The following CDSN variants were observed in gnomAD, a reference collection of about 807,000 sequenced individuals.
CDSN encodes S protein.
A neutral mutation model predicts 25.6 loss-of-function variants in CDSN; 11 were observed. That is an observed-to-expected ratio of 0.43 (90% confidence interval 0.27 to 0.71). The LOEUF (loss-of-function observed/expected upper bound fraction) is 0.71. CDSN is among the 30% of genes least tolerant of loss of function. The pLI is 0.20. For synonymous variants in CDSN, 266 were observed against 267.4 expected (o/e 0.99, Z 0.05); for missense variants, 598 against 670.9 (o/e 0.89, Z 1.20).
chr6:31,118,795 GAA>G (rs1393345257), intron 1 of CDSN: 1 of 145,638 alleles, frequency 6.9e-6, no homozygotes, highest in African/African-American at 2.5e-5. Flanking sequence ...GCATTACTAT[GAA>G]GAAAACTAAA....
At chr6:31,117,638 CA>C in intron 1 of CDSN, 109 bp from the exon 2 acceptor site, 2 of 923,636 alleles carry the variant, frequency 2.2e-6, no homozygotes, top group Non-Finnish European at 1.7e-6. Flanking sequence ...AAGCAGAGCG[CA>C]GGGAGAGTTT....
At chr6:31,120,265 C>T in intron 1 of CDSN, 70 bp downstream of exon 1, 1 of 1,232,530 alleles carries the variant, frequency 8.1e-7, no homozygotes, top group Non-Finnish European at 1.2e-6. Flanking sequence ...CTGCCTGTCC[C>T]CTTCGCTGGG....
chr6:31,117,924 G>A (rs3094213), intron 1 of CDSN: 78,829 of 201,872 alleles, frequency 0.39, 16,672 homozygotes, highest in African/African-American at 0.57. Flanking sequence ...CATAGACCCC[G>A]TCTGTATTTT....
At position 31,116,994 on chromosome 6, in the gene CDSN, A is replaced by G. The variant is rs770836669; in HGVS notation, c.621T>C (p.Ser207=). ...GCTGGTTGGAGCTGACGCTTTGGCC[A>G]CTGCTGGATACCCCAAAGGTCTGGG... ...SSSQTFGVSS[S]GQSVSSNQRP... The change falls in exon 2 of 2, where the codon AGT becomes AGC. Residue 207 remains serine (S), a synonymous_variant. Coordinates refer to ENST00000376288, the MANE Select transcript of CDSN (RefSeq NM_001264.5). The G allele has an allele frequency of 1.7e-5, 27 of 1,614,090 alleles. No homozygotes were observed. The African/African-American group carries it at 3.6e-4, about 22-fold the overall frequency.
At position 31,117,252 on chromosome 6, in the gene CDSN, A is replaced by G; in HGVS notation, c.363T>C (p.Ser121=). The G allele has an allele frequency of 2.5e-6, 4 of 1,611,304 alleles. No homozygotes were observed. The highest frequency in any genetic ancestry group is 8.5e-7 in the Non-Finnish European group (1 of 1,178,472). The change falls in exon 2 of 2, where the codon TCT becomes TCC. Residue 121 remains serine, a synonymous_variant. Transcript: ENST00000376288. The part of the protein sequence containing the change: ...GYSQVSYSSG[S]GSSLQGASGS... ...CGGATGCACCTTGTAGACTAGAGCC[A>G]GATCCGGAGGAGTAGCTGACCTGGG...
Position 31,116,597 on chromosome 6 carries a change from C to T in CDSN, c.1018G>A (p.Ala340Thr). The change falls in exon 2 of 2, where the codon GCA (alanine) becomes ACA (threonine). Residue 340 changes from alanine (A) to threonine (T), a missense_variant. Coordinates refer to ENST00000376288, the MANE Select transcript of CDSN (RefSeq NM_001264.5). ...CCCTCAGAGATGGGGGGCCCAGCTG[C>T]AAAGGAAGGGACCCCTGGAGAGCCT... is the stretch of plus-strand genomic sequence containing the variant. The part of the protein sequence containing the change: ...VKGSPGVPSF[A>T]AGPPISEGKY... The T allele has an allele frequency of 6.2e-7, 1 of 1,613,580 alleles. No homozygotes were observed. Among genetic ancestry groups the T allele is most frequent in the Non-Finnish European group, 8.5e-7 (1 of 1,179,980 alleles).
rs142570009 is a variant in CDSN at position 31,116,203 on chromosome 6, G to A, written c.1412C>T (p.Pro471Leu). The change falls in exon 2 of 2, where the codon CCC becomes CTC. Residue 471 changes from proline (P) to leucine (L), a missense_variant. Transcript: ENST00000376288. ...GGGATCAGGATGGGGAGAGCCATCG[G>A]GGCCCCCAGTCAGTGTCAAGGAGGA... ...SVSSLTLTGGPDGSPHPDPSA... is the reference protein window; with the variant it reads ...SVSSLTLTGGLDGSPHPDPSA... The A allele has an allele frequency of 6.6e-5, 107 of 1,613,624 alleles. No individual in the cohort carries two copies. The highest frequency in any genetic ancestry group is 8.3e-5 in the Non-Finnish European group (98 of 1,179,778).
chr6:31,117,003 T>C lies in CDSN; in HGVS notation c.612A>G (p.Val204=). 6.2e-7 allele frequency: 1 copy of C among 1,614,190 alleles called. No individual in the cohort carries two copies. Among genetic ancestry groups the C allele is most frequent in the Non-Finnish European group, 8.5e-7 (1 of 1,180,034 alleles). The change falls in exon 2 of 2, where the codon GTA becomes GTG. Residue 204 remains valine, a synonymous_variant. Coordinates refer to ENST00000376288, the MANE Select transcript of CDSN (RefSeq NM_001264.5). The stretch of plus-strand genomic sequence containing the variant: ...AGCTGACGCTTTGGCCACTGCTGGA[T>C]ACCCCAAAGGTCTGGGAAGAGGAAG... ...QSSSSSQTFG[V]SSSGQSVSSN...
chr6:31,120,010 G>A (rs1332543725), intron 1 of CDSN, among the ~76,000 whole-genome samples: 4 of 152,126 alleles, frequency 2.6e-5, no homozygotes, highest in Admixed American at 2.6e-4. Flanking sequence ...ACTATTAAAT[G>A]TCCAATCATT....
chr6:31,119,402 G>A (rs761823297), intron 1 of CDSN, among the ~76,000 whole-genome samples: 15 of 152,110 alleles, frequency 9.9e-5, no homozygotes, highest in East Asian at 1.9e-4. Context: ...TGGGAAGGTC[G>A]CAGAAATTCC....
In CDSN at chr6:31,117,110, G is replaced by A. The variant is rs1772185882; in HGVS notation, c.505C>T (p.Gln169Ter). 1 of 1,614,028 alleles carries A rather than the reference G, an allele frequency of 6.2e-7. No homozygotes were observed. Among genetic ancestry groups the A allele is most frequent in the Non-Finnish European group, 8.5e-7 (1 of 1,180,042 alleles). The part of the protein sequence containing the change: ...SSFQFSSSSF[Q>*]VGNGSALPTN... Reference sequence around the variant, plus strand: ...GGCAGAGCAGAGCCATTCCCTACTTGGAAGCTGCTGCTGCTGAACTGAAAG... The same window carrying A: ...GGCAGAGCAGAGCCATTCCCTACTTAGAAGCTGCTGCTGCTGAACTGAAAG... The change falls in exon 2 of 2, where the codon CAA (glutamine) becomes TAA (stop). Residue 169 changes from glutamine to a stop codon, truncating the protein, a stop_gained. Coordinates refer to ENST00000376288, the MANE Select transcript of CDSN (RefSeq NM_001264.5). LOFTEE classifies it high-confidence loss of function.
Position 31,116,167 on chromosome 6 carries a change from G to A in CDSN, c.1448C>T (p.Ala483Val). The change falls in exon 2 of 2, where the codon GCC becomes GTC. Residue 483 changes from alanine to valine, a missense_variant. By Grantham distance (64) the Ala-to-Val change is moderately conservative (BLOSUM62 0). Coordinates refer to ENST00000376288, the MANE Select transcript of CDSN (RefSeq NM_001264.5). ...GSPHPDPSAG[A>V]KPCGSSSAGK... is the part of the protein sequence containing the mutation. ...AGCACTGCTGGAGCCACAGGGCTTG[G>A]CACCAGCGGAGGGATCAGGATGGGG... The A allele has an allele frequency of 6.2e-7, 1 of 1,611,824 alleles. No homozygotes were observed. Among genetic ancestry groups the A allele is most frequent in the Non-Finnish European group, 8.5e-7 (1 of 1,178,600 alleles).
rs1441306474 is a variant in CDSN at position 31,116,527 on chromosome 6, G to A, written c.1088C>T (p.Ala363Val). The stretch of plus-strand genomic sequence containing the variant: ...TGGCTGGAATGCAATGGCCGAGGAA[G>A]CTGCCGACTGGCTGGGGATGATGGG... Reference protein sequence around the residue: ...SNPIIPSQSAASSAIAFQPVG... With the variant: ...SNPIIPSQSAVSSAIAFQPVG... Residue 363 changes from alanine (A) to valine (V), a missense_variant, in exon 2 of 2, where the codon GCT becomes GTT. Coordinates refer to ENST00000376288, the MANE Select transcript of CDSN (RefSeq NM_001264.5). The A allele has an allele frequency of 1.9e-6, 3 of 1,613,416 alleles. No individual in the cohort carries two copies. In the African/African-American group the frequency reaches 4.0e-5, roughly 22 times the overall value.
chr6:31,116,077 A>T lies in CDSN; in HGVS notation c.1538T>A (p.Leu513Gln). ...LAQVKPLGPQ[L>Q]ADPEVFLPQG... is the part of the protein sequence containing the mutation. ...GGGTAGGAAAACTTCAGGGTCAGCT[A>T]GCTGGGGCCCCAGAGGCTTCACTTG... The change falls in exon 2 of 2, where the codon CTA (leucine) becomes CAA (glutamine). Residue 513 changes from leucine to glutamine, a missense_variant. Leu to Gln is a moderately radical substitution (Grantham distance 113, BLOSUM62 -2). Transcript: ENST00000376288. 6.2e-7 allele frequency: 1 copy of T among 1,612,050 alleles called. No homozygotes were observed. The highest frequency in any genetic ancestry group is 8.5e-7 in the Non-Finnish European group (1 of 1,179,684).
rs756727418 is a variant in CDSN at position 31,117,051 on chromosome 6, G to A, written c.564C>T (p.Asn188=). The A allele has an allele frequency of 3.1e-6, 5 of 1,614,254 alleles. No individual in the cohort carries two copies. In the South Asian group the frequency reaches 4.4e-5, roughly 14 times the overall value. Residue 188 remains asparagine, a synonymous_variant, in exon 2 of 2, where the codon AAC becomes AAT. Transcript: ENST00000376288. The part of the protein sequence containing the change: ...TNDNSYRGIL[N]PSQPGQSSSS... ...AAGAGCTTTGTCCAGGCTGGGAAGG[G>A]TTTAGTATTCCGCGGTAAGAGTTGT...
chr6:31,117,577 C>G, intron 1 of CDSN, 48 bp from the exon 2 acceptor site: 1 of 1,485,786 alleles, frequency 6.7e-7, no homozygotes. Context: ...GCTTGGCTTC[C>G]TCCCTCACCT....
Position 31,116,440 on chromosome 6 carries a change from G to T in CDSN, c.1175C>A (p.Ser392Tyr). Reference sequence around the variant, plus strand: ...GCTGGGGACTCGAGAACTGGAGGGAGAGCAGGGTCCCTTGGAGCCCGTGGA... The same window carrying T: ...GCTGGGGACTCGAGAACTGGAGGGATAGCAGGGTCCCTTGGAGCCCGTGGA... ...GGSTGSKGPC[S>Y]PSSSRVPSSS... The change falls in exon 2 of 2, where the codon TCT (serine) becomes TAT (tyrosine). Residue 392 changes from serine to tyrosine, a missense_variant. By Grantham distance (144) the Ser-to-Tyr change is moderately radical. Coordinates refer to ENST00000376288, the MANE Select transcript of CDSN (RefSeq NM_001264.5). 1 of 1,590,458 alleles carries T rather than the reference G, an allele frequency of 6.3e-7. No homozygotes were observed. Among genetic ancestry groups the T allele is most frequent in the Non-Finnish European group, 8.6e-7 (1 of 1,168,158 alleles).
chr6:31,116,796 A>C lies in CDSN; in HGVS notation c.819T>G (p.Cys273Trp). 6.2e-7 allele frequency: 1 copy of C among 1,613,694 alleles called. No individual in the cohort carries two copies. The highest frequency in any genetic ancestry group is 8.5e-7 in the Non-Finnish European group (1 of 1,180,004). Reference sequence around the variant, plus strand: ...GCTTGCCTGGAAGGCCACCATTGCTACAGGGGGGACCTTGAACCACTCCAG... The same window carrying C: ...GCTTGCCTGGAAGGCCACCATTGCTCCAGGGGGGACCTTGAACCACTCCAG... Reference protein sequence around the residue: ...GAPGVVQGPPCSNGGLPGKPC... With the variant: ...GAPGVVQGPPWSNGGLPGKPC... The change falls in exon 2 of 2, where the codon TGT becomes TGG. Residue 273 changes from cysteine to tryptophan, a missense_variant. Physicochemically the swap from Cys to Trp is radical, Grantham distance 215 (BLOSUM62 -2). Coordinates refer to ENST00000376288, the MANE Select transcript of CDSN (RefSeq NM_001264.5).
chr6:31,117,366 G>A lies in CDSN; in HGVS notation c.249C>T (p.Ser83=). 6.3e-7 allele frequency: 1 copy of A among 1,576,390 alleles called. No individual in the cohort carries two copies. The highest frequency in any genetic ancestry group is 8.6e-7 in the Non-Finnish European group (1 of 1,160,878). ...SSGSSISSAR[S]SGGGSSGSSS... ...AGCTACCACTGGAGCCACCACCAGAGCTTCTGGCACTGGAAATGGAGCTGC... is the reference window on the plus strand; with the variant it reads ...AGCTACCACTGGAGCCACCACCAGAACTTCTGGCACTGGAAATGGAGCTGC... Residue 83 remains serine (S), a synonymous_variant, in exon 2 of 2, where the codon AGC becomes AGT. Coordinates refer to ENST00000376288, the MANE Select transcript of CDSN (RefSeq NM_001264.5).
Sources: allele counts gnomAD v4.1 joint callset (sites outside exome capture counted in the v4.1 genomes callset), GRCh38; gene constraint gnomAD v4.1.1; transcripts MANE v1.5; gene names NCBI Gene and HGNC (gene_info 2026-07-23, HGNC 2026-07-21).